PEPD: variants seen among roughly 807,000 people sequenced by gnomAD.
PEPD encodes peptidase D.
PEPD carries 53 observed loss-of-function variants against 60.7 expected under a neutral mutation model. The ratio of observed to expected loss-of-function variants is 0.87; its 90% CI spans 0.70 to 1.10. The LOEUF is 1.10. PEPD is among the 50% of genes least tolerant of loss of function. The pLI, the probability that PEPD is intolerant of heterozygous loss-of-function variation, is 0.00. For synonymous variants in PEPD, 267 were observed against 284.1 expected (o/e 0.94, Z 0.60); for missense variants, 711 against 711.9 (o/e 1.00, Z 0.01).
intron 4 of PEPD, among the ~76,000 whole-genome samples, chr19:33,500,278 G>A (rs1970683521): frequency 6.6e-6 from 1 of 152,224 alleles, no homozygotes; most frequent in Non-Finnish European, 1.5e-5. Context: ...CAGGGCCTTT[G>A]GTCAAGTAGA....
chr19:33,517,891 C>T (rs1006966119), intron 1 of PEPD, among the ~76,000 whole-genome samples: 2 of 148,482 alleles, frequency 1.3e-5, no homozygotes, highest in African/African-American at 2.5e-5. Flanking sequence ...CACTTGAACC[C>T]GGGAGGCGGA....
chr19:33,517,218 A>G (rs1356067487), intron 1 of PEPD, among the ~76,000 whole-genome samples: 1 of 151,648 alleles, frequency 6.6e-6, no homozygotes, highest in Non-Finnish European at 1.5e-5. Context: ...ATTTCCATAT[A>G]ATTGGGTTTT....
chr19:33,490,543 G>A (rs1245348175), intron 5 of PEPD, among the ~76,000 whole-genome samples: 8 of 152,248 alleles, frequency 5.3e-5, no homozygotes, highest in Non-Finnish European at 7.3e-5. Flanking sequence ...GAAGCAGGGA[G>A]ACATCCCTCT....
At chr19:33,517,457 G>T (rs1971043093) in intron 1 of PEPD, among the ~76,000 whole-genome samples, 1 of 151,956 alleles carries the variant, frequency 6.6e-6, no homozygotes, top group Non-Finnish European at 1.5e-5. Context: ...CACTCGGGAG[G>T]CTGAGGCAGG....
chr19:33,406,775 C>T (rs563071148), intron 11 of PEPD, among the ~76,000 whole-genome samples: 1 of 152,198 alleles, frequency 6.6e-6, no homozygotes, highest in East Asian at 1.9e-4. Context: ...CATGTGAGGC[C>T]AAGGTGGCTG....
At chr19:33,427,713 T>C (rs1488721614) in intron 9 of PEPD, among the ~76,000 whole-genome samples, 1 of 149,026 alleles carries the variant, frequency 6.7e-6, no homozygotes, top group African/African-American at 2.5e-5. Flanking sequence ...CTTCTGGATA[T>C]ATTCAAAAGG....
chr19:33,493,469 C>T, intron 4 of PEPD, 132 bp from the exon 5 acceptor site: 1 of 738,522 alleles, frequency 1.4e-6, no homozygotes. Context: ...GTGGGCGCTG[C>T]CCTCACCCTG....
intron 3 of PEPD, among the ~76,000 whole-genome samples, chr19:33,506,018 C>T (rs1244053135): frequency 6.9e-6 from 1 of 144,572 alleles, no homozygotes; most frequent in Non-Finnish European, 1.5e-5. Flanking sequence ...CTCATCATAC[C>T]CTACACACTA....
chr19:33,392,353 G>C (rs1036430165), intron 12 of PEPD, among the ~76,000 whole-genome samples: 1 of 152,212 alleles, frequency 6.6e-6, no homozygotes, highest in Non-Finnish European at 1.5e-5. Context: ...GGGTGCGCCC[G>C]TCCCATCCCC....
At chr19:33,494,373 A>AC (rs1368834377) in intron 4 of PEPD, among the ~76,000 whole-genome samples, 1 of 152,226 alleles carries the variant, frequency 6.6e-6, no homozygotes, top group African/African-American at 2.4e-5. Context: ...TATTTAACAT[A>AC]GACATTTTGA....
At chr19:33,480,838 G>A (rs60686291) in intron 6 of PEPD, among the ~76,000 whole-genome samples, 11,626 of 128,814 alleles carry the variant, frequency 0.09, 1,472 homozygotes, top group African/African-American at 0.3. Flanking sequence ...GTGTGTGTGT[G>A]TGTATATCAA....
intron 9 of PEPD, among the ~76,000 whole-genome samples, chr19:33,455,517 T>C (rs1315408905): frequency 6.6e-6 from 1 of 151,856 alleles, no homozygotes; most frequent in Non-Finnish European, 1.5e-5. Context: ...CTTTTTTTTT[T>C]TAAGAGATGG....
intron 4 of PEPD, among the ~76,000 whole-genome samples, chr19:33,497,717 G>A (rs1970634025): frequency 6.6e-6 from 1 of 152,178 alleles, no homozygotes; most frequent in Non-Finnish European, 1.5e-5. Flanking sequence ...AGGGCTTCCT[G>A]TAACCTCCCA....
intron 9 of PEPD, among the ~76,000 whole-genome samples, chr19:33,418,342 T>C (rs747765817): frequency 3.7e-4 from 57 of 152,178 alleles, no homozygotes; most frequent in Non-Finnish European, 7.5e-4. Context: ...CTGCAGGGGA[T>C]GCCCTGAGAC....
At chr19:33,499,611 C>T (rs879691804) in intron 4 of PEPD, among the ~76,000 whole-genome samples, 6 of 152,218 alleles carry the variant, frequency 3.9e-5, no homozygotes, top group African/African-American at 1.2e-4. Context: ...ACACAGTCAG[C>T]GTCCATGGTG....
chr19:33,517,553 C>T (rs1003553163), intron 1 of PEPD, among the ~76,000 whole-genome samples: 8 of 149,884 alleles, frequency 5.3e-5, no homozygotes, highest in African/African-American at 2.0e-4. Context: ...AGCAAGACTC[C>T]GTTTCAAAAA....
intron 2 of PEPD, 55 bp from the exon 3 acceptor site, chr19:33,511,210 G>A: frequency 6.2e-7 from 1 of 1,601,142 alleles, no homozygotes; most frequent in Middle Eastern, 1.7e-4. Context: ...TGCAAGGAGG[G>A]ACCGGTGGCT....
intron 10 of PEPD, among the ~76,000 whole-genome samples, chr19:33,412,847 G>A (rs1311785502): frequency 6.6e-6 from 1 of 152,218 alleles, no homozygotes; most frequent in African/African-American, 2.4e-5. Flanking sequence ...CTGGGAGAGC[G>A]CAGGAGACGA....
At position 33,387,997 on chromosome 19, in the gene PEPD, G is replaced by T; in HGVS notation, c.1237C>A (p.Pro413Thr). The change falls in exon 14 of 15, where the codon CCG (proline) becomes ACG (threonine). Residue 413 changes from proline (P) to threonine (T), a missense_variant. Physicochemically the swap from Pro to Thr is conservative, Grantham distance 38. Transcript: ENST00000244137. ...LQPGMVLTVEPGIYFIDHLLD... is the reference protein window; with the variant it reads ...LQPGMVLTVETGIYFIDHLLD... ...AGGTGGTCGATGAAGTAGATGCCCGGCTCCACGGTGAGCACCATGCCTGGC... is the reference window on the plus strand; with the variant it reads ...AGGTGGTCGATGAAGTAGATGCCCGTCTCCACGGTGAGCACCATGCCTGGC... 1 of 1,580,756 alleles carries T rather than the reference G, an allele frequency of 6.3e-7. No individual in the cohort carries two copies. Among genetic ancestry groups the T allele is most frequent in the South Asian group, 1.2e-5 (1 of 86,584 alleles).
Sources: allele counts gnomAD v4.1 joint callset (sites outside exome capture counted in the v4.1 genomes callset), GRCh38; gene constraint gnomAD v4.1.1; transcripts MANE v1.5; gene names NCBI Gene and HGNC (gene_info 2026-07-23, HGNC 2026-07-21).